The following LINGO2 variants were observed in gnomAD, a reference collection of about 807,000 sequenced individuals.
LINGO2 encodes the protein leucine rich repeat and Ig domain containing 2.
A neutral mutation model predicts 30.6 loss-of-function variants in LINGO2; 14 were observed. That is an observed-to-expected ratio of 0.46 (90% confidence interval 0.30 to 0.72). LINGO2 has a LOEUF of 0.72. Ranked by LOEUF, LINGO2 falls within the 30% of genes least tolerant of loss-of-function variation. The pLI, the probability that LINGO2 is intolerant of heterozygous loss-of-function variation, is 0.07. For missense variants in LINGO2, 729 were observed against 751.7 expected (o/e 0.97, Z 0.35); for synonymous variants, 317 against 288.5 (o/e 1.10, Z -1.00).
chr9:28,454,208 T>C (rs996553818), intron 2 of LINGO2, among the ~76,000 whole-genome samples: 2 of 152,062 alleles, frequency 1.3e-5, no homozygotes, highest in Non-Finnish European at 2.9e-5. Context: ...TCTCAGATTA[T>C]AAACAATAAA....
chr9:29,200,799 A>G, the LINGO2 span, among the ~76,000 whole-genome samples: 1 of 152,068 alleles, frequency 6.6e-6, no homozygotes, highest in Non-Finnish European at 1.5e-5. Flanking sequence ...ATATATCCTT[A>G]GCCTCTTCTT....
At position 28,341,634 on chromosome 9, in the gene LINGO2, A is replaced by G. The variant is rs149599140; in HGVS notation, c.-246+31202T>C. ...AGAATACTCAGCAACTAAATGGATA[A>G]TAGTTATTAAGCTTATGAAACTTTA... On this transcript the variant is annotated intron_variant, in intron 3 of 5. Coordinates refer to ENST00000379992, the Ensembl canonical transcript of LINGO2. Among the ~76,000 whole-genome samples the G allele has an allele frequency of 4.4e-3, 676 of 152,296 alleles. 9 individuals are homozygous for G. Among genetic ancestry groups the G allele is most frequent in the African/African-American group, 0.016 (652 of 41,576 alleles).
At chr9:28,133,005 T>G (rs942441242) in intron 4 of LINGO2, among the ~76,000 whole-genome samples, 7 of 152,200 alleles carry the variant, frequency 4.6e-5, no homozygotes, top group South Asian at 2.1e-4. Context: ...CCGTACATTT[T>G]TAACATAAAT....
chr9:28,526,929 T>C (rs1333246434), intron 1 of LINGO2, among the ~76,000 whole-genome samples: 1 of 152,360 alleles, frequency 6.6e-6, no homozygotes, highest in Non-Finnish European at 1.5e-5. Context: ...GAGCTATCAA[T>C]ATATGTGTCC....
intron 1 of LINGO2, among the ~76,000 whole-genome samples, chr9:28,578,761 C>T (rs1397056245): frequency 6.6e-6 from 1 of 152,150 alleles, no homozygotes; most frequent in South Asian, 2.1e-4. Flanking sequence ...TAACATTCCT[C>T]AGTATAACCT....
chr9:28,992,883 A>G, the LINGO2 span, among the ~76,000 whole-genome samples: 1 of 152,116 alleles, frequency 6.6e-6, no homozygotes. Context: ...AGGGAAATTT[A>G]TAGCACTAAA....
chr9:28,901,376 T>C, the LINGO2 span, among the ~76,000 whole-genome samples: 644 of 152,188 alleles, frequency 4.2e-3, 5 homozygotes, highest in African/African-American at 0.014. Flanking sequence ...TATTAAAGTA[T>C]AAAACTCACT....
At chr9:28,353,944 AT>A (rs2134460850) in intron 3 of LINGO2, among the ~76,000 whole-genome samples, 1 of 152,262 alleles carries the variant, frequency 6.6e-6, no homozygotes, top group East Asian at 1.9e-4. Flanking sequence ...ATAGGTGGGA[AT>A]TGAACAGTGA....
chr9:28,918,305 C>G, the LINGO2 span, among the ~76,000 whole-genome samples: 6 of 152,134 alleles, frequency 3.9e-5, no homozygotes, highest in South Asian at 2.1e-4. Context: ...GAAAACCACC[C>G]CCCCAGGGTT....
At chr9:28,919,967 A>G in the LINGO2 span, among the ~76,000 whole-genome samples, 40 of 152,290 alleles carry the variant, frequency 2.6e-4, no homozygotes, top group African/African-American at 9.1e-4. Context: ...ATATGAGATC[A>G]GTAAAAATAC....
the LINGO2 span, among the ~76,000 whole-genome samples, chr9:29,197,255 A>C: frequency 6.6e-6 from 1 of 152,060 alleles, no homozygotes; most frequent in Non-Finnish European, 1.5e-5. Flanking sequence ...CATTTATAGG[A>C]TAGCCCAGCT....
chr9:28,636,647 C>T (rs1411372257), intron 1 of LINGO2, among the ~76,000 whole-genome samples: 1 of 152,000 alleles, frequency 6.6e-6, no homozygotes, highest in African/African-American at 2.4e-5. Flanking sequence ...CTGTTCATAT[C>T]CTTTGCCCAC....
At chr9:28,332,237 G>A (rs889852977) in intron 3 of LINGO2, among the ~76,000 whole-genome samples, 18 of 151,852 alleles carry the variant, frequency 1.2e-4, no homozygotes, top group Non-Finnish European at 2.4e-4. Context: ...CTGAAAAGTA[G>A]ATAGTAGGCC....
chr9:29,055,529 C>G, the LINGO2 span, among the ~76,000 whole-genome samples: 768 of 152,282 alleles, frequency 5.0e-3, 10 homozygotes, highest in African/African-American at 0.018. Context: ...CTGAATATCT[C>G]TTCAGGTTTC....
chr9:28,035,037 T>C (rs966065117), intron 4 of LINGO2, among the ~76,000 whole-genome samples: 1 of 152,234 alleles, frequency 6.6e-6, no homozygotes, highest in African/African-American at 2.4e-5. Context: ...TCAACATCCA[T>C]GCAACTCCTT....
At chr9:28,395,334 C>T (rs7851437) in intron 2 of LINGO2, among the ~76,000 whole-genome samples, 145,028 of 152,284 alleles carry the variant, frequency 0.95, 69,133 homozygotes, top group Middle Eastern at 0.99. Flanking sequence ...CAGTGCAAGG[C>T]GTGCTGGAAA....
chr9:27,983,745 C>T (rs1194506922), intron 5 of LINGO2, among the ~76,000 whole-genome samples: 1 of 151,824 alleles, frequency 6.6e-6, no homozygotes, highest in Non-Finnish European at 1.5e-5. Context: ...TGGTACTTTC[C>T]CTGACCAGAT....
In LINGO2 at chr9:28,512,580, GATATATATGTGTGT is replaced by G. The variant is rs1432409807; in HGVS notation, c.-364-36569_-364-36556del. ...TTCTCTAGAGGGACAGAACTAACAG[GATATATATGTGTGT>G]ATATATATATATATATATATATATA... On this transcript the variant is annotated intron_variant, in intron 1 of 5. Coordinates refer to ENST00000379992, the Ensembl canonical transcript of LINGO2. Among the ~76,000 whole-genome samples the G allele has an allele frequency of 6.4e-3, 556 of 87,010 alleles. 7 individuals carry two copies. The highest frequency in any genetic ancestry group is 0.012 in the East Asian group (31 of 2,606). 57.1% of individuals were successfully genotyped at this position (87,010 alleles called of 152,430 possible).
chr9:29,083,912 A>T, the LINGO2 span, among the ~76,000 whole-genome samples: 6 of 152,080 alleles, frequency 3.9e-5, no homozygotes, highest in Admixed American at 3.9e-4. Context: ...CATAGTAGGT[A>T]TTATAAGTCC....
Sources: allele counts gnomAD v4.1 joint callset (sites outside exome capture counted in the v4.1 genomes callset), GRCh38; gene constraint gnomAD v4.1.1; transcripts MANE v1.5; gene names NCBI Gene and HGNC (gene_info 2026-07-23, HGNC 2026-07-21).